NXPE2: variants seen among roughly 807,000 people sequenced by gnomAD.
NXPE2 encodes NXPE family member 2.
A neutral mutation model predicts 34.4 loss-of-function variants in NXPE2; 34 were observed. That is an observed-to-expected ratio of 0.99 (90% confidence interval 0.75 to 1.31). NXPE2 has a LOEUF of 1.31. Among genes scored for constraint, NXPE2 ranks in the 40% most tolerant of loss-of-function variants. NXPE2 has a pLI of 0.00. For synonymous variants in NXPE2, 235 were observed against 231.3 expected (o/e 1.02, Z -0.15); for missense variants, 649 against 672.5 (o/e 0.97, Z 0.39).
At chr11:114,520,181 T>A in the NXPE2 span, among the ~76,000 whole-genome samples, 3 of 152,142 alleles carry the variant, frequency 2.0e-5, no homozygotes, top group African/African-American at 7.2e-5. Context: ...TTAACTATAG[T>A]TCTCATGCTG....
chr11:114,577,264 T>A, the NXPE2 span, among the ~76,000 whole-genome samples: 1 of 150,916 alleles, frequency 6.6e-6, no homozygotes, highest in African/African-American at 2.4e-5. Flanking sequence ...CTGGATGGAA[T>A]GGGAGGCTAT....
the NXPE2 span, among the ~76,000 whole-genome samples, chr11:114,579,376 C>T: frequency 6.6e-6 from 1 of 152,172 alleles, no homozygotes; most frequent in South Asian, 2.1e-4. Flanking sequence ...AGGGGACAAT[C>T]AGTCAAACTA....
the NXPE2 span, among the ~76,000 whole-genome samples, chr11:114,758,008 GT>G: frequency 6.6e-6 from 1 of 152,144 alleles, no homozygotes; most frequent in East Asian, 1.9e-4. Context: ...GGGAAGTTTT[GT>G]TTGATTGCCT....
At chr11:114,787,956 C>T in the NXPE2 span, among the ~76,000 whole-genome samples, 7 of 152,152 alleles carry the variant, frequency 4.6e-5, no homozygotes, top group African/African-American at 1.7e-4. Context: ...TCCTGTCACC[C>T]CCTGGAGGAT....
the NXPE2 span, among the ~76,000 whole-genome samples, chr11:114,811,962 C>T: frequency 6.6e-6 from 1 of 152,288 alleles, no homozygotes; most frequent in East Asian, 1.9e-4. Flanking sequence ...GCATGCTTAG[C>T]ACAGTGTCTG....
chr11:114,624,607 C>T, the NXPE2 span, among the ~76,000 whole-genome samples: 1 of 151,630 alleles, frequency 6.6e-6, no homozygotes, highest in Non-Finnish European at 1.5e-5. Flanking sequence ...ATAAGTATTG[C>T]CTCATGGGCA....
At chr11:114,571,478 T>A in the NXPE2 span, 2 of 1,589,582 alleles carry the variant, frequency 1.3e-6, no homozygotes, top group Non-Finnish European at 1.7e-6. Context: ...TCAGTGCTGA[T>A]AACAAATAGG....
chr11:114,583,133 T>G, the NXPE2 span: 1 of 1,195,228 alleles, frequency 8.4e-7, no homozygotes, highest in East Asian at 2.4e-5. Flanking sequence ...TCATTTTTAC[T>G]TATTGTGATT....
At chr11:114,638,082 C>G in the NXPE2 span, among the ~76,000 whole-genome samples, 1 of 151,396 alleles carries the variant, frequency 6.6e-6, no homozygotes, top group African/African-American at 2.4e-5. Context: ...TCCATTCACC[C>G]CGTCACTTTC....
the NXPE2 span, among the ~76,000 whole-genome samples, chr11:114,504,390 G>T: frequency 6.6e-6 from 1 of 152,112 alleles, no homozygotes; most frequent in African/African-American, 2.4e-5. Flanking sequence ...GCCACCTCCA[G>T]TGCAACAGCA....
the NXPE2 span, among the ~76,000 whole-genome samples, chr11:114,634,261 C>T: frequency 6.6e-6 from 1 of 151,958 alleles, no homozygotes; most frequent in Non-Finnish European, 1.5e-5. Context: ...TAAATGTCTT[C>T]TTTTGAGAAG....
At chr11:114,597,537 C>T in the NXPE2 span, among the ~76,000 whole-genome samples, 1 of 152,112 alleles carries the variant, frequency 6.6e-6, no homozygotes, top group African/African-American at 2.4e-5. Context: ...TACATGGGTT[C>T]ATGCACACAG....
chr11:114,725,972 A>ATATATAT, the NXPE2 span, among the ~76,000 whole-genome samples: 344 of 14,248 alleles, frequency 0.024, 7 homozygotes, highest in Admixed American at 0.18. Flanking sequence ...TATAATAAAA[A>ATATATAT]AAAAATATAT....
the NXPE2 span, among the ~76,000 whole-genome samples, chr11:114,664,318 G>T: frequency 6.6e-6 from 1 of 152,124 alleles, no homozygotes; most frequent in African/African-American, 2.4e-5. Flanking sequence ...CAAATTAAGG[G>T]CTTGTAAAGG....
the NXPE2 span, among the ~76,000 whole-genome samples, chr11:114,631,866 G>A: frequency 6.6e-6 from 1 of 151,104 alleles, no homozygotes; most frequent in Non-Finnish European, 1.5e-5. Context: ...TGTGTCGTGG[G>A]TAACCGCTGT....
chr11:114,540,760 G>T, the NXPE2 span, among the ~76,000 whole-genome samples: 1 of 149,538 alleles, frequency 6.7e-6, no homozygotes, highest in Non-Finnish European at 1.5e-5. Context: ...ATTAAGAGGA[G>T]GTAAGTTTCC....
At chr11:114,709,067 C>G (rs142068640), downstream of NXPE2, among the ~76,000 whole-genome samples, 1 of 152,112 alleles carries the variant, frequency 6.6e-6, no homozygotes, top group African/African-American at 2.4e-5. Context: ...TATTATTTCT[C>G]TTGTTCTAGA....
At chr11:114,806,663 C>G in the NXPE2 span, among the ~76,000 whole-genome samples, 5 of 151,748 alleles carry the variant, frequency 3.3e-5, no homozygotes, top group African/African-American at 1.2e-4. Context: ...ATAAAAAGAA[C>G]AAAGCCTCCA....
the NXPE2 span, among the ~76,000 whole-genome samples, chr11:114,477,768 CCAATTCAAGTATTGAATTCAATACTTGAA>C: frequency 0.038 from 5,822 of 151,688 alleles, 148 homozygotes; most frequent in Middle Eastern, 0.082. Flanking sequence ...ATTGGGTAAC[CCAATTCAAGTATTGAATTCAATACTTGAA>C]CAATTCAAGT....
Sources: gnomAD v4.1 joint callset for allele counts (sites outside exome capture counted in the v4.1 genomes callset) on GRCh38, gnomAD v4.1.1 for gene constraint, MANE v1.5 for transcripts, NCBI Gene and HGNC (gene_info 2026-07-23, HGNC 2026-07-21) for gene names.